The following ZNF561 variants were observed in gnomAD, a reference collection of about 807,000 sequenced individuals.
ZNF561 encodes the protein zinc finger protein 561.
In ZNF561, 16 loss-of-function variants were observed where a neutral mutation model predicts 16.7. The ratio of observed to expected loss-of-function variants is 0.96; its 90% CI spans 0.65 to 1.45. ZNF561 has a LOEUF of 1.45. Ranked by LOEUF, ZNF561 falls within the 40% of genes most tolerant of loss-of-function variation. ZNF561 has a pLI of 0.00. For synonymous variants in ZNF561, 190 were observed against 192.1 expected (o/e 0.99, Z 0.09); for missense variants, 580 against 578.0 (o/e 1.00, Z -0.04).
At chr19:9,614,187 T>C in intron 4 of ZNF561, 84 bp from the exon 5 acceptor site, 1 of 1,512,406 alleles carries the variant, frequency 6.6e-7, no homozygotes, top group Non-Finnish European at 9.1e-7. Flanking sequence ...GTTTTCAAAT[T>C]AAACACAGCA....
At chr19:9,619,849 A>ATATC (rs773668949) in intron 1 of ZNF561, among the ~76,000 whole-genome samples, 1 of 91,228 alleles carries the variant, frequency 1.1e-5, no homozygotes, top group Non-Finnish European at 2.4e-5. Context: ...CTATCTATCT[A>ATATC]TATCTATCTA....
intron 1 of ZNF561, 36 bp from the exon 2 acceptor site, chr19:9,619,618 C>A: frequency 1.8e-6 from 1 of 558,454 alleles, no homozygotes; most frequent in Middle Eastern, 4.5e-4. Context: ...AAGCATGAAA[C>A]ATCAGTCATC....
chr19:9,610,349 C>T lies in ZNF561; in HGVS notation c.1312G>A (p.Val438Ile). ...TCTCCGGTATGAGTTCGCAGGTGAA[C>T]ATTAAGGCGTGAGGAATATAGAAAT... ...KAFLYSSRLN[V>I]HLRTHTGEKP... Residue 438 changes from valine to isoleucine, a missense_variant, in exon 6 of 6, where the codon GTT (valine) becomes ATT (isoleucine). Physicochemically the swap from Val to Ile is conservative, Grantham distance 29. Transcript: ENST00000302851. The T allele has an allele frequency of 6.2e-7, 1 of 1,614,106 alleles. No individual in the cohort carries two copies. The highest frequency in any genetic ancestry group is 1.6e-4 in the Middle Eastern group (1 of 6,062).
At chr19:9,616,936 A>G in intron 4 of ZNF561, 109 bp downstream of exon 4, 3 of 1,416,282 alleles carry the variant, frequency 2.1e-6, no homozygotes, top group African/African-American at 1.4e-5. Flanking sequence ...AATGTTGCCC[A>G]TGCTAGTATC....
intron 4 of ZNF561, among the ~76,000 whole-genome samples, chr19:9,616,738 C>A (rs2074560810): frequency 1.3e-5 from 2 of 151,904 alleles, no homozygotes; most frequent in East Asian, 1.9e-4. Context: ...ACTACAGGTA[C>A]CTGCCACTAT....
At position 9,619,556 on chromosome 19, in the gene ZNF561, C is replaced by T; in HGVS notation, c.-100G>A. 8.0e-7 allele frequency: 1 copy of T among 1,242,338 alleles called. No homozygotes were observed. Among genetic ancestry groups the T allele is most frequent in the East Asian group, 2.4e-5 (1 of 41,172 alleles). The allele number at this position is 1,242,338 out of a possible 1,614,324, so 77.0% of individuals were successfully genotyped here. The stretch of plus-strand genomic sequence containing the variant: ...TAGGTGGATAGAGGCAATCTCCATT[C>T]CTCTTTGTACAGGGTTATTTGCGGT... On this transcript the variant is annotated 5_prime_UTR_variant, in exon 2 of 6. Coordinates refer to ENST00000302851, the MANE Select transcript of ZNF561 (RefSeq NM_152289.3).
In ZNF561 at chr19:9,608,016, T is replaced by C. The variant is rs8100913; in HGVS notation, c.*2184A>G. ...CCTCCCGAGTAGCTGGGACTGCAGG[T>C]ACCCGCCACCACGCCAGGCTAATTT... is the stretch of plus-strand genomic sequence containing the variant. On this transcript the variant is annotated 3_prime_UTR_variant, in exon 6 of 6. Coordinates refer to ENST00000302851, the MANE Select transcript of ZNF561 (RefSeq NM_152289.3). The C allele has an allele frequency of 0.36, 54,074 of 151,880 alleles. 13,505 individuals carry two copies. Among genetic ancestry groups the C allele is most frequent in the African/African-American group, 0.71 (29,186 of 41,392 alleles). The allele number at this position is 151,880 out of a possible 1,614,324, so 9.4% of individuals were successfully genotyped here. A position where few individuals can be genotyped will look rare whatever the true frequency, so the allele number is the denominator to read the frequency against.
chr19:9,614,840 CT>C (rs779251988), intron 4 of ZNF561, among the ~76,000 whole-genome samples: 2,253 of 137,374 alleles, frequency 0.016, 29 homozygotes, highest in African/African-American at 0.047. Flanking sequence ...CTTTAAAAAT[CT>C]TTTTTTTTTT....
intron 4 of ZNF561, among the ~76,000 whole-genome samples, chr19:9,616,077 G>C (rs1241900901): frequency 6.6e-6 from 1 of 152,190 alleles, no homozygotes; most frequent in Non-Finnish European, 1.5e-5. Flanking sequence ...GGGGAAGGAA[G>C]ATGTATATTT....
chr19:9,620,614 T>C (rs1380274476), intron 1 of ZNF561, among the ~76,000 whole-genome samples: 1 of 152,174 alleles, frequency 6.6e-6, no homozygotes, highest in Admixed American at 6.5e-5. Context: ...TGATCTCCTG[T>C]ATATGGTGTT....
intron 3 of ZNF561, 106 bp downstream of exon 3, chr19:9,617,985 T>C (rs2074588729): frequency 9.4e-7 from 1 of 1,065,126 alleles, no homozygotes; most frequent in Admixed American, 2.2e-5. Flanking sequence ...GAGTAAGGCT[T>C]CATTTGCTCT....
Position 9,610,134 on chromosome 19 carries a change from G to T in ZNF561, c.*66C>A. The T allele has an allele frequency of 1.4e-6, 2 of 1,404,380 alleles. No homozygotes were observed. The allele number at this position is 1,404,380 out of a possible 1,614,324, so 87.0% of individuals were successfully genotyped here. A position where few individuals can be genotyped will look rare whatever the true frequency, so the allele number is the denominator to read the frequency against. ...CCATGAGTCATTACAACCTCCAAAA[G>T]GCATTTAGGACAAATCTGATAATCT... On this transcript the variant is annotated 3_prime_UTR_variant, in exon 6 of 6. Transcript: ENST00000302851.
chr19:9,612,952 C>T (rs903275390), intron 5 of ZNF561, among the ~76,000 whole-genome samples: 7 of 152,088 alleles, frequency 4.6e-5, no homozygotes, highest in East Asian at 1.9e-4. Flanking sequence ...CATGCCAACA[C>T]GCCCTGCTAA....
In ZNF561 at chr19:9,610,029, C is replaced by G; in HGVS notation, c.*171G>C. The G allele has an allele frequency of 1.6e-6, 1 of 617,120 alleles. No homozygotes were observed. Among genetic ancestry groups the G allele is most frequent in the Non-Finnish European group, 2.7e-6 (1 of 366,158 alleles). 38.2% of individuals were successfully genotyped at this position (617,120 alleles called of 1,614,324 possible). On this transcript the variant is annotated 3_prime_UTR_variant, in exon 6 of 6. Transcript: ENST00000302851. ...ATCCATGACCCTTCTTCACAGATGCCCAGACTCAGGCAACCATGATGTTGT... is the reference window on the plus strand; with the variant it reads ...ATCCATGACCCTTCTTCACAGATGCGCAGACTCAGGCAACCATGATGTTGT...
In ZNF561 at chr19:9,611,345, G is replaced by A. The variant is rs1264421143; in HGVS notation, c.325-9C>T. 1.3e-6 allele frequency: 2 copies of A among 1,595,566 alleles called. No individual in the cohort carries two copies. The highest frequency in any genetic ancestry group is 1.3e-5 in the African/African-American group (1 of 74,266). On this transcript the variant is annotated splice_polypyrimidine_tract_variant and intron_variant, in intron 5 of 5. Coordinates refer to ENST00000302851, the MANE Select transcript of ZNF561 (RefSeq NM_152289.3). ...CCACTGTAGCCTCTTGTCTGTTGAT[G>A]ACGAGATAAAGGTTTTAAAACATTT...
Position 9,611,223 on chromosome 19 carries a change from A to G in ZNF561, c.438T>C (p.Ser146=). 6.2e-7 allele frequency: 1 copy of G among 1,614,016 alleles called. No homozygotes were observed. Among genetic ancestry groups the G allele is most frequent in the East Asian group, 2.2e-5 (1 of 44,858 alleles). Residue 146 remains serine (S), a synonymous_variant, in exon 6 of 6, where the codon TCT becomes TCC. Coordinates refer to ENST00000302851, the MANE Select transcript of ZNF561 (RefSeq NM_152289.3). ...HMRVQNGGNT[S]EGNCYGKDTL... ...TGTCTTTTCCATAACAATTACCCTC[A>G]GAAGTATTCCCTCCATTCTGAACTC...
At position 9,609,346 on chromosome 19, in the gene ZNF561, C is replaced by G. The variant is rs1052735914; in HGVS notation, c.*854G>C. 2.0e-5 allele frequency: 3 copies of G among 152,132 alleles called. No homozygotes were observed. The highest frequency in any genetic ancestry group is 7.2e-5 in the African/African-American group (3 of 41,420). 9.4% of individuals were successfully genotyped at this position (152,132 alleles called of 1,614,324 possible). A position where few individuals can be genotyped will look rare whatever the true frequency, so the allele number is the denominator to read the frequency against. On this transcript the variant is annotated 3_prime_UTR_variant, in exon 6 of 6. Coordinates refer to ENST00000302851, the MANE Select transcript of ZNF561 (RefSeq NM_152289.3). ...CTTAATTCCTCTAGAGCTGCTGGGT[C>G]AGGGTCTCCATGACCCAGCTGGTCT...
At chr19:9,617,562 C>T (rs990045625) in intron 3 of ZNF561, 1 of 395,612 alleles carries the variant, frequency 2.5e-6, no homozygotes, top group African/African-American at 2.1e-5. Flanking sequence ...ACTGTGTCAC[C>T]CAGGCACAAC....
Position 9,609,905 on chromosome 19 carries a change from G to C in ZNF561, c.*295C>G. On this transcript the variant is annotated 3_prime_UTR_variant, in exon 6 of 6. Transcript: ENST00000302851. ...GGCAGCCACTAACCAACAGGGGCTG[G>C]GGTCAATCTGCATGATTTATCTCAT... The C allele has an allele frequency of 4.1e-6, 1 of 245,342 alleles. No individual in the cohort carries two copies. The allele number at this position is 245,342 out of a possible 1,614,324, so 15.2% of individuals were successfully genotyped here. A position where few individuals can be genotyped will look rare whatever the true frequency, so the allele number is the denominator to read the frequency against.
Sources: allele counts gnomAD v4.1 joint callset (sites outside exome capture counted in the v4.1 genomes callset), GRCh38; gene constraint gnomAD v4.1.1; transcripts MANE v1.5; gene names NCBI Gene and HGNC (gene_info 2026-07-23, HGNC 2026-07-21).